Variants in RAD51B observed in about 807,000 individuals in gnomAD.
The protein encoded by RAD51B is DNA repair protein RAD51 homolog 2.
A neutral mutation model predicts 42.2 loss-of-function variants in RAD51B; 38 were observed. The observed-to-expected ratio is 0.90, with a 90% CI of 0.70 to 1.18. The LOEUF is 1.18. Among genes scored for constraint, RAD51B ranks in the 50% most tolerant of loss-of-function variants. The pLI is 0.00. For missense variants in RAD51B, 373 were observed against 400.7 expected, an observed-to-expected ratio of 0.93 and a Z score of 0.59; for synonymous variants, 154 against 145.2, an observed-to-expected ratio of 1.06 and a Z score of -0.43.
chr14:67,984,979 A>C (rs1429680424), intron 7 of RAD51B, among the ~76,000 whole-genome samples: 1 of 152,208 alleles, frequency 6.6e-6, no homozygotes, highest in Non-Finnish European at 1.5e-5. Flanking sequence ...ATAGAACAAA[A>C]AGTTAAGAAA....
intron 7 of RAD51B, among the ~76,000 whole-genome samples, chr14:68,118,971 T>A (rs889804434): frequency 3.9e-5 from 6 of 152,054 alleles, no homozygotes; most frequent in Non-Finnish European, 8.8e-5. Flanking sequence ...TTTTTTTTTT[T>A]ATTGAGACAA....
At chr14:67,889,423 G>A (rs535291928) in intron 7 of RAD51B, among the ~76,000 whole-genome samples, 45 of 149,406 alleles carry the variant, frequency 3.0e-4, no homozygotes, top group Admixed American at 2.8e-3. Flanking sequence ...AATTTAATAT[G>A]TTATATATGA....
chr14:67,869,518 T>C (rs2042448225), intron 5 of RAD51B, among the ~76,000 whole-genome samples: 1 of 152,162 alleles, frequency 6.6e-6, no homozygotes, highest in African/African-American at 2.4e-5. Flanking sequence ...CTCTGCAGGA[T>C]ATTATCCAGG....
chr14:68,298,933 T>G (rs1486305242), intron 8 of RAD51B, among the ~76,000 whole-genome samples: 1 of 152,146 alleles, frequency 6.6e-6, no homozygotes, highest in East Asian at 1.9e-4. Flanking sequence ...GCATTTGCGA[T>G]GTTTACTGGG....
At chr14:68,122,982 G>GAC (rs1475005675) in intron 7 of RAD51B, among the ~76,000 whole-genome samples, 2 of 143,002 alleles carry the variant, frequency 1.4e-5, no homozygotes, top group South Asian at 2.3e-4. Context: ...CACACACACA[G>GAC]ACACACACAC....
At chr14:68,265,425 C>T (rs975478782) in intron 7 of RAD51B, among the ~76,000 whole-genome samples, 1 of 152,098 alleles carries the variant, frequency 6.6e-6, no homozygotes, top group African/African-American at 2.4e-5. Flanking sequence ...TTAAGATGCT[C>T]CCAGACCAGT....
downstream of RAD51B, among the ~76,000 whole-genome samples, chr14:68,479,094 C>T (rs943773829): frequency 9.2e-5 from 14 of 152,144 alleles, no homozygotes; most frequent in African/African-American, 3.1e-4. Context: ...TTGGGTAGAC[C>T]TGGAAGAGGC....
intron 7 of RAD51B, among the ~76,000 whole-genome samples, chr14:68,077,050 A>G (rs971485625): frequency 3.9e-5 from 6 of 152,172 alleles, no homozygotes; most frequent in South Asian, 4.1e-4. Flanking sequence ...CCTTGATTCA[A>G]TCATCTGTAG....
chr14:68,566,792 C>A (rs973905922), intron 10 of RAD51B, among the ~76,000 whole-genome samples: 4 of 152,130 alleles, frequency 2.6e-5, no homozygotes, highest in Non-Finnish European at 4.4e-5. Flanking sequence ...AACACCAAAT[C>A]CCAATTTCTC....
At chr14:68,553,820 T>C (rs770318844) in intron 10 of RAD51B, among the ~76,000 whole-genome samples, 1 of 152,056 alleles carries the variant, frequency 6.6e-6, no homozygotes, top group Non-Finnish European at 1.5e-5. Context: ...TCATGAAATC[T>C]TTTCCCACCC....
At chr14:68,298,895 G>A (rs1009579895) in intron 8 of RAD51B, among the ~76,000 whole-genome samples, 1 of 152,162 alleles carries the variant, frequency 6.6e-6, no homozygotes, top group African/African-American at 2.4e-5. Context: ...AGTTTGTGTT[G>A]TAATGTGGCA....
intron 8 of RAD51B, chr14:68,338,630 A>G: frequency 3.3e-6 from 1 of 305,452 alleles, no homozygotes; most frequent in Non-Finnish European, 6.4e-6. Context: ...AGCTATCTCA[A>G]AGTGTATCTT....
intron 4 of RAD51B, among the ~76,000 whole-genome samples, chr14:67,855,976 C>G (rs1433089401): frequency 6.6e-6 from 1 of 152,200 alleles, no homozygotes. Context: ...GACCATTGTT[C>G]CCAATTCTTC....
At chr14:68,093,334 C>G (rs980725269) in intron 7 of RAD51B, among the ~76,000 whole-genome samples, 1 of 152,136 alleles carries the variant, frequency 6.6e-6, no homozygotes, top group Non-Finnish European at 1.5e-5. Context: ...TGGTCCTGGA[C>G]TCTTTTTGGT....
chr14:68,005,992 AAC>A (rs1390402782), intron 7 of RAD51B, among the ~76,000 whole-genome samples: 2 of 152,102 alleles, frequency 1.3e-5, no homozygotes, highest in Non-Finnish European at 2.9e-5. Context: ...AGGAGGTGAT[AAC>A]ACTTTTAAAC....
At chr14:68,652,401 C>G (rs1223603993) in intron 11 of RAD51B, among the ~76,000 whole-genome samples, 1 of 152,206 alleles carries the variant, frequency 6.6e-6, no homozygotes, top group African/African-American at 2.4e-5. Context: ...AAGGAAAGTT[C>G]TAAAAGCAAG....
At chr14:68,007,480 T>C (rs1278583693) in intron 7 of RAD51B, among the ~76,000 whole-genome samples, 1 of 152,034 alleles carries the variant, frequency 6.6e-6, no homozygotes, top group Non-Finnish European at 1.5e-5. Context: ...CTGTGTGAGG[T>C]TCCAATTTCT....
chr14:68,218,902 G>A (rs2079869689), intron 7 of RAD51B, among the ~76,000 whole-genome samples: 1 of 152,160 alleles, frequency 6.6e-6, no homozygotes, highest in South Asian at 2.1e-4. Flanking sequence ...CAAAAATGTG[G>A]TCATGGACAG....
At position 68,375,723 on chromosome 14, in the gene RAD51B, A is replaced by C. The variant is rs533050004; in HGVS notation, c.854-35701A>C. 2.6e-5 allele frequency among the ~76,000 whole-genome samples: 4 copies of C among 152,260 alleles called. No individual in the cohort carries two copies. In the East Asian group the frequency reaches 7.7e-4, roughly 29 times the overall value. On this transcript the variant is annotated intron_variant, in intron 8 of 10. Transcript: ENST00000471583. The stretch of plus-strand genomic sequence containing the variant: ...TGGGCACTTGGTAAACATTTGTTGA[A>C]TGCATTAATGAATCAGCTTATTTAA...
Sources: allele counts gnomAD v4.1 joint callset (sites outside exome capture counted in the v4.1 genomes callset), GRCh38; gene constraint gnomAD v4.1.1; transcripts MANE v1.5; gene names NCBI Gene and HGNC (gene_info 2026-07-23, HGNC 2026-07-21).